The following SLC5A12 variants were observed in gnomAD, a reference collection of about 807,000 sequenced individuals.
SLC5A12 encodes sodium-coupled monocarboxylate transporter 2.
SLC5A12 carries 46 observed loss-of-function variants against 72.7 expected under a neutral mutation model. The observed-to-expected ratio is 0.63, with a 90% CI of 0.50 to 0.81. The LOEUF (loss-of-function observed/expected upper bound fraction) is 0.81. Among genes scored for constraint, SLC5A12 ranks in the 30% least tolerant of loss-of-function variants. The pLI is 0.00. For missense variants in SLC5A12, 683 were observed against 740.7 expected, an observed-to-expected ratio of 0.92 and a Z score of 0.90; for synonymous variants, 275 against 264.4, an observed-to-expected ratio of 1.04 and a Z score of -0.39.
chr11:26,691,975 T>C (rs1405304792), intron 9 of SLC5A12: 1 of 152,332 alleles, frequency 6.6e-6, no homozygotes, highest in Non-Finnish European at 1.5e-5. Context: ...GAGACTAATA[T>C]GACCATCACA....
In SLC5A12 at chr11:26,673,315, G is replaced by A. The variant is rs1018937680; in HGVS notation, c.1707+87C>T. 9.7e-5 allele frequency: 129 copies of A among 1,325,164 alleles called. 1 individual carries two copies. The highest frequency in any genetic ancestry group is 2.0e-5 in the Non-Finnish European group (20 of 1,011,592). 82.1% of individuals were successfully genotyped at this position (1,325,164 alleles called of 1,614,324 possible). A position where few individuals can be genotyped will look rare whatever the true frequency, so the allele number is the denominator to read the frequency against. ...TCACACTCACTGCTTTCCCTTTCCAGTGCATCTTTGCAGCCGGTTTAAATG... is the reference window on the plus strand; with the variant it reads ...TCACACTCACTGCTTTCCCTTTCCAATGCATCTTTGCAGCCGGTTTAAATG... On this transcript the variant is annotated intron_variant, in intron 14 of 14. Transcript: ENST00000396005.
intron 9 of SLC5A12, among the ~76,000 whole-genome samples, chr11:26,687,792 T>G (rs999968132): frequency 4.6e-5 from 7 of 152,236 alleles, no homozygotes; most frequent in African/African-American, 9.6e-5. Context: ...GATTGATCAC[T>G]AAGCACTTGC....
chr11:26,679,749 G>A (rs1293085745), intron 12 of SLC5A12, among the ~76,000 whole-genome samples: 4 of 152,086 alleles, frequency 2.6e-5, no homozygotes, highest in African/African-American at 9.7e-5. Flanking sequence ...TAAAACCACA[G>A]GAAAGTTTTA....
intron 9 of SLC5A12, among the ~76,000 whole-genome samples, chr11:26,691,278 A>G (rs915061753): frequency 2.6e-5 from 4 of 152,178 alleles, no homozygotes. Context: ...ACTAATATTA[A>G]GCACACAAAA....
chr11:26,713,511 T>C (rs1365037346), intron 1 of SLC5A12, among the ~76,000 whole-genome samples: 1 of 152,118 alleles, frequency 6.6e-6, no homozygotes, highest in East Asian at 1.9e-4. Context: ...GTTGAAATAG[T>C]CTTTCTTCTT....
rs1854124815 is a variant in SLC5A12 at position 26,670,940 on chromosome 11, T to C, written c.*162A>G. On this transcript the variant is annotated 3_prime_UTR_variant, in exon 15 of 15. Coordinates refer to ENST00000396005, the MANE Select transcript of SLC5A12 (RefSeq NM_178498.4). ...CAAAGAATATCCCGAGAGACAGTCA[T>C]TTTGCATGTAGTTATAAATAAGTAG... 1.8e-6 allele frequency: 1 copy of C among 568,022 alleles called. No homozygotes were observed. Among genetic ancestry groups the C allele is most frequent in the Non-Finnish European group, 2.8e-6 (1 of 356,582 alleles). The allele number at this position is 568,022 out of a possible 1,614,324, so 35.2% of individuals were successfully genotyped here. A position where few individuals can be genotyped will look rare whatever the true frequency, so the allele number is the denominator to read the frequency against.
In SLC5A12 at chr11:26,678,861, C is replaced by A. The variant is rs118007199; in HGVS notation, c.1476-46G>T. On this transcript the variant is annotated intron_variant, in intron 12 of 14. Transcript: ENST00000396005. ...CACCAATTCCATGCATCCTAAAGAC[C>A]CACAGTGATGTAGAGGACTGCTCAG... 6.2e-3 allele frequency: 8,383 copies of A among 1,344,170 alleles called. 133 individuals carry two copies. The highest frequency in any genetic ancestry group is 4.4e-3 in the Non-Finnish European group (4,171 of 945,522). The allele number at this position is 1,344,170 out of a possible 1,614,324, so 83.3% of individuals were successfully genotyped here.
At position 26,668,830 on chromosome 11, in the gene SLC5A12, A is replaced by ATGACATT. The variant is rs1432116559; in HGVS notation, c.*2265_*2271dup. 6.6e-6 allele frequency: 1 copy of ATGACATT among 152,196 alleles called. No homozygotes were observed. The highest frequency in any genetic ancestry group is 2.4e-5 in the African/African-American group (1 of 41,552). The allele number at this position is 152,196 out of a possible 1,614,324, so 9.4% of individuals were successfully genotyped here. A position where few individuals can be genotyped will look rare whatever the true frequency, so the allele number is the denominator to read the frequency against. On this transcript the variant is annotated 3_prime_UTR_variant, in exon 15 of 15. Coordinates refer to ENST00000396005, the MANE Select transcript of SLC5A12 (RefSeq NM_178498.4). ...AATAATAATTGCATTTTCCAGTTGT[A>ATGACATT]TGACATTTTGATAACACTCCAGGTA...
intron 4 of SLC5A12, 58 bp downstream of exon 4, chr11:26,709,254 T>C (rs1278514002): frequency 1.3e-5 from 17 of 1,275,892 alleles, no homozygotes; most frequent in Non-Finnish European, 1.9e-5. Flanking sequence ...GCTGGAGATT[T>C]GCCCTTATCC....
Position 26,671,141 on chromosome 11 carries a change from T to G in SLC5A12, c.1818A>C (p.Lys606Asn), listed in dbSNP as rs1380908194. 6.2e-7 allele frequency: 1 copy of G among 1,612,636 alleles called. No individual in the cohort carries two copies. Among genetic ancestry groups the G allele is most frequent in the Non-Finnish European group, 8.5e-7 (1 of 1,179,280 alleles). The change falls in exon 15 of 15, where the codon AAA becomes AAC. Residue 606 changes from lysine to asparagine, a missense_variant. Physicochemically the swap from Lys to Asn is moderately conservative, Grantham distance 94. Transcript: ENST00000396005. ...VHVPGYDPKDKSYNNMAFETT... is the reference protein window; with the variant it reads ...VHVPGYDPKDNSYNNMAFETT... Reference sequence around the variant, plus strand: ...TCTCAAATGCCATATTGTTGTAGCTTTTGTCCTTAGGATCATAGCCTGGAA... The same window carrying G: ...TCTCAAATGCCATATTGTTGTAGCTGTTGTCCTTAGGATCATAGCCTGGAA...
In SLC5A12 at chr11:26,709,287, T is replaced by C. The variant is rs760089042; in HGVS notation, c.525+25A>G. The C allele has an allele frequency of 5.1e-6, 8 of 1,574,022 alleles. No homozygotes were observed. In the African/African-American group the frequency reaches 6.8e-5, roughly 13 times the overall value. ...TCCCATATTAGGAGGTAGTGTTAAA[T>C]ACTTCTTCACAGCTAGATACATACC... On this transcript the variant is annotated intron_variant, in intron 4 of 14. Transcript: ENST00000396005.
At position 26,683,742 on chromosome 11, in the gene SLC5A12, C is replaced by A; in HGVS notation, c.1308+15G>T. ...TTTTGACTGGGAATTGTGAAGAGGG[C>A]TGTGGGATCCTTACCTTCCAATTCA... On this transcript the variant is annotated intron_variant, in intron 11 of 14. Coordinates refer to ENST00000396005, the MANE Select transcript of SLC5A12 (RefSeq NM_178498.4). 1 of 1,567,294 alleles carries A rather than the reference C, an allele frequency of 6.4e-7. No homozygotes were observed. The highest frequency in any genetic ancestry group is 2.3e-5 in the East Asian group (1 of 43,328).
intron 6 of SLC5A12, among the ~76,000 whole-genome samples, chr11:26,700,898 G>A (rs1431511323): frequency 6.6e-6 from 1 of 152,198 alleles, no homozygotes; most frequent in African/African-American, 2.4e-5. Flanking sequence ...CACTTTTAGT[G>A]TGAACTTTAT....
chr11:26,683,221 T>G (rs539812415), intron 11 of SLC5A12, among the ~76,000 whole-genome samples: 9 of 152,318 alleles, frequency 5.9e-5, no homozygotes, highest in African/African-American at 1.2e-4. Context: ...ACTCAATACA[T>G]AGTTATCCAA....
At chr11:26,720,325 A>T (rs187341521) in intron 1 of SLC5A12, among the ~76,000 whole-genome samples, 2 of 4,698 alleles carry the variant, frequency 4.3e-4, no homozygotes, top group African/African-American at 4.7e-4. Flanking sequence ...GCCCCATCTC[A>T]TAAATAAATA....
In SLC5A12 at chr11:26,671,303, A is replaced by G. The variant is rs762891859; in HGVS notation, c.1708-52T>C. Reference sequence around the variant, plus strand: ...AGCAAGATATCCTTGATGTACTCCAAATTAACCTGAGAGAATCTTGTTTAG... The same window carrying G: ...AGCAAGATATCCTTGATGTACTCCAGATTAACCTGAGAGAATCTTGTTTAG... On this transcript the variant is annotated intron_variant, in intron 14 of 14. Transcript: ENST00000396005. The G allele has an allele frequency of 4.7e-6, 7 of 1,482,868 alleles. No homozygotes were observed. In the Admixed American group the frequency reaches 9.0e-5, roughly 19 times the overall value. The allele number at this position is 1,482,868 out of a possible 1,614,324, so 91.9% of individuals were successfully genotyped here.
intron 13 of SLC5A12, among the ~76,000 whole-genome samples, chr11:26,676,957 C>G (rs1436102921): frequency 6.6e-6 from 1 of 151,988 alleles, no homozygotes; most frequent in East Asian, 1.9e-4. Flanking sequence ...ACAAGGAGAA[C>G]AGGCCCACAA....
Position 26,721,787 on chromosome 11 carries a change from C to G in SLC5A12, c.-73G>C. 7.6e-6 allele frequency: 10 copies of G among 1,309,812 alleles called. No homozygotes were observed. In the South Asian group the frequency reaches 1.4e-4, roughly 18 times the overall value. 81.1% of individuals were successfully genotyped at this position (1,309,812 alleles called of 1,614,324 possible). A position where few individuals can be genotyped will look rare whatever the true frequency, so the allele number is the denominator to read the frequency against. On this transcript the variant is annotated 5_prime_UTR_variant, in exon 1 of 15. Transcript: ENST00000396005. ...AGAAGATGTTTCCAAAAGCAAAGTT[C>G]AGTACAGTGGATGCTTTGCTGAGAG...
chr11:26,722,386 C>A (rs548809322), upstream of SLC5A12, among the ~76,000 whole-genome samples: 48 of 152,274 alleles, frequency 3.2e-4, no homozygotes, highest in African/African-American at 1.1e-3. Flanking sequence ...CATTTCTGAA[C>A]TTCACCTGGA....
Sources: gnomAD v4.1 joint callset for allele counts (sites outside exome capture counted in the v4.1 genomes callset) on GRCh38, gnomAD v4.1.1 for gene constraint, MANE v1.5 for transcripts, NCBI Gene and HGNC (gene_info 2026-07-23, HGNC 2026-07-21) for gene names.